Variants in C3orf49 observed in about 807,000 individuals in gnomAD.
C3orf49 encodes chromosome 3 open reading frame 49.
Under a neutral mutation model 13.3 loss-of-function variants are expected in C3orf49, and 27 were observed. The ratio of observed to expected loss-of-function variants is 2.02; its 90% CI spans 1.49 to 2.79. C3orf49 has a LOEUF of 2.79. Ranked by LOEUF, C3orf49 falls within the 30% of genes most tolerant of loss-of-function variation. The pLI, the probability that C3orf49 is intolerant of heterozygous loss-of-function variation, is 0.00. For synonymous variants in C3orf49, 87 were observed against 47.6 expected (o/e 1.83, Z -3.40); for missense variants, 242 against 134.2 (o/e 1.80, Z -3.97).
intron 3 of C3orf49, among the ~76,000 whole-genome samples, chr3:63,830,108 C>A (rs1191803043): frequency 6.6e-6 from 1 of 152,174 alleles, no homozygotes; most frequent in Non-Finnish European, 1.5e-5. Flanking sequence ...CAAACAGGAG[C>A]TGCGCCAGGG....
chr3:63,842,508 C>T (rs142842341), intron 5 of C3orf49, among the ~76,000 whole-genome samples: 53 of 152,270 alleles, frequency 3.5e-4, no homozygotes, highest in African/African-American at 1.2e-3. Flanking sequence ...CCATGGAATA[C>T]TACTCAGCCA....
chr3:63,820,849 C>T (rs552063148), intron 1 of C3orf49, among the ~76,000 whole-genome samples: 1 of 152,050 alleles, frequency 6.6e-6, no homozygotes, highest in South Asian at 2.1e-4. Context: ...AATAGCACCC[C>T]CTAGAAGTCA....
chr3:63,817,558 G>T (rs185708734), upstream of C3orf49, among the ~76,000 whole-genome samples: 1 of 152,012 alleles, frequency 6.6e-6, no homozygotes, highest in Admixed American at 6.5e-5. Context: ...GTCCAAAGAG[G>T]TTTTCGTTAC....
intron 1 of C3orf49, among the ~76,000 whole-genome samples, chr3:63,821,053 G>A (rs558882896): frequency 6.6e-6 from 1 of 152,192 alleles, no homozygotes; most frequent in East Asian, 1.9e-4. Context: ...TGCTTTTTAA[G>A]GTTCCAAACA....
At chr3:63,837,860 T>G in intron 5 of C3orf49, 2 of 817,150 alleles carry the variant, frequency 2.4e-6, no homozygotes, top group Non-Finnish European at 3.7e-6. Flanking sequence ...AAAATTTGGA[T>G]TTTTTTTAAT....
At chr3:63,797,773 A>G in the C3orf49 span, among the ~76,000 whole-genome samples, 1 of 152,184 alleles carries the variant, frequency 6.6e-6, no homozygotes, top group Non-Finnish European at 1.5e-5. Flanking sequence ...GAAGATGAGA[A>G]GTCCCACTTT....
chr3:63,846,486 C>T (rs1701899684), intron 6 of C3orf49, among the ~76,000 whole-genome samples: 1 of 152,150 alleles, frequency 6.6e-6, no homozygotes, highest in African/African-American at 2.4e-5. Flanking sequence ...TGGCTCACCA[C>T]AACCTTCGTC....
At chr3:63,833,097 CTTT>C (rs748114078) in intron 5 of C3orf49, among the ~76,000 whole-genome samples, 6 of 135,696 alleles carry the variant, frequency 4.4e-5, no homozygotes, top group Non-Finnish European at 3.2e-5. Context: ...GCAAGACAAT[CTTT>C]TTTTTTTTTT....
intron 5 of C3orf49, among the ~76,000 whole-genome samples, chr3:63,843,910 AAAAC>A (rs1457301419): frequency 6.6e-6 from 1 of 152,140 alleles, no homozygotes; most frequent in East Asian, 1.9e-4. Context: ...CAGAAAAAAA[AAAAC>A]AAAACTGTGG....
At chr3:63,787,333 T>G in the C3orf49 span, 1 of 152,114 alleles carries the variant, frequency 6.6e-6, no homozygotes, top group Non-Finnish European at 1.5e-5. Flanking sequence ...GAAAGGCAGT[T>G]GTGGTTAAAT....
At chr3:63,821,753 T>TA (rs1406318176) in intron 1 of C3orf49, among the ~76,000 whole-genome samples, 1 of 152,008 alleles carries the variant, frequency 6.6e-6, no homozygotes, top group Non-Finnish European at 1.5e-5. Flanking sequence ...GGACGAGAAT[T>TA]ACGCAAACAG....
chr3:63,833,585 G>A (rs1701563706), intron 5 of C3orf49: 2 of 152,322 alleles, frequency 1.3e-5, no homozygotes, highest in African/African-American at 4.8e-5. Flanking sequence ...ATTTTACTTT[G>A]CATCTTATAA....
the C3orf49 span, among the ~76,000 whole-genome samples, chr3:63,785,215 G>A: frequency 2.0e-5 from 3 of 151,590 alleles, no homozygotes; most frequent in Non-Finnish European, 4.4e-5. Flanking sequence ...GGGACTACAT[G>A]CGCCCGCCAC....
intron 5 of C3orf49, chr3:63,838,038 T>C (rs1701670780): frequency 1.2e-6 from 2 of 1,609,598 alleles, no homozygotes; most frequent in African/African-American, 1.3e-5. Context: ...AGCAATTTTT[T>C]CATGTGCTCC....
intron 6 of C3orf49, 113 bp downstream of exon 6, chr3:63,845,195 T>C (rs1701862652): frequency 2.1e-6 from 1 of 483,852 alleles, no homozygotes; most frequent in African/African-American, 1.9e-5. Flanking sequence ...TTAAGCTCGC[T>C]GATATCTTTG....
chr3:63,798,144 A>G, the C3orf49 span, among the ~76,000 whole-genome samples: 6 of 152,098 alleles, frequency 3.9e-5, no homozygotes, highest in African/African-American at 1.2e-4. Context: ...CTATTAGACA[A>G]CTCCACAGGG....
intron 5 of C3orf49, among the ~76,000 whole-genome samples, chr3:63,840,527 G>A (rs1701733958): frequency 6.6e-6 from 1 of 152,108 alleles, no homozygotes; most frequent in Non-Finnish European, 1.5e-5. Flanking sequence ...GGAGATCAAG[G>A]CTGCATTGAG....
intron 5 of C3orf49, among the ~76,000 whole-genome samples, chr3:63,834,732 A>C (rs903131400): frequency 1.3e-5 from 2 of 152,072 alleles, no homozygotes; most frequent in Admixed American, 1.3e-4. Flanking sequence ...GGTAACACAA[A>C]AATTTCCACT....
intron 5 of C3orf49, chr3:63,836,421 A>G: frequency 6.7e-7 from 1 of 1,486,048 alleles, no homozygotes. Flanking sequence ...TCAAAACAAA[A>G]TGTGTAATAT....
Sources: gnomAD v4.1 joint callset for allele counts (sites outside exome capture counted in the v4.1 genomes callset) on GRCh38, gnomAD v4.1.1 for gene constraint, MANE v1.5 for transcripts, NCBI Gene and HGNC (gene_info 2026-07-23, HGNC 2026-07-21) for gene names.